Variants in FAM13C observed in about 807,000 individuals in gnomAD.
The protein encoded by FAM13C is protein FAM13C.
Under a neutral mutation model 73.2 loss-of-function variants are expected in FAM13C, and 37 were observed. The ratio of observed to expected loss-of-function variants is 0.51; its 90% CI spans 0.39 to 0.67. The LOEUF (loss-of-function observed/expected upper bound fraction) is 0.67. Among genes scored for constraint, FAM13C ranks in the 30% least tolerant of loss-of-function variants. FAM13C has a pLI of 0.00. For synonymous variants in FAM13C, 246 were observed against 260.9 expected, an observed-to-expected ratio of 0.94 and a Z score of 0.55; for missense variants, 589 against 715.6, an observed-to-expected ratio of 0.82 and a Z score of 2.02.
At chr10:59,275,192 C>T (rs1264112839) in intron 6 of FAM13C, among the ~76,000 whole-genome samples, 1 of 152,134 alleles carries the variant, frequency 6.6e-6, no homozygotes, top group Non-Finnish European at 1.5e-5. Flanking sequence ...TTCCAACCTT[C>T]GATGTGGGCG....
intron 4 of FAM13C, among the ~76,000 whole-genome samples, chr10:59,317,221 G>A (rs1009609494): frequency 1.3e-5 from 2 of 151,850 alleles, no homozygotes; most frequent in African/African-American, 2.4e-5. Context: ...AAATATGGGA[G>A]TAGCCACGAC....
At chr10:59,357,865 G>A (rs982305586) in intron 1 of FAM13C, among the ~76,000 whole-genome samples, 1 of 152,096 alleles carries the variant, frequency 6.6e-6, no homozygotes, top group Non-Finnish European at 1.5e-5. Context: ...GCAAATAAAT[G>A]CCTGCATACA....
At chr10:59,341,089 G>A (rs1057111733) in intron 3 of FAM13C, among the ~76,000 whole-genome samples, 1 of 151,968 alleles carries the variant, frequency 6.6e-6, no homozygotes, top group Admixed American at 6.6e-5. Flanking sequence ...ATTTTCTCCT[G>A]GTGATTTTTA....
At chr10:59,248,724 T>C (rs974356776) in intron 13 of FAM13C, among the ~76,000 whole-genome samples, 3 of 152,210 alleles carry the variant, frequency 2.0e-5, no homozygotes, top group African/African-American at 7.2e-5. Flanking sequence ...ATGTTTTATC[T>C]TTAGCTCCCT....
In FAM13C at chr10:59,283,367, A is replaced by G. The variant is rs767291134; in HGVS notation, c.588T>C (p.Ser196=). ...ACCCCCAGCCCTGTATCTTACCTGCAGAATCTGTCCCATCGGCAAGCACGC... is the reference window on the plus strand; with the variant it reads ...ACCCCCAGCCCTGTATCTTACCTGCGGAATCTGTCCCATCGGCAAGCACGC... The part of the protein sequence containing the change: ...TQSVLADGTD[S]ADPSPVHKDG... Residue 196 remains serine (S), a synonymous_variant, in exon 6 of 14, where the codon TCT becomes TCC. Transcript: ENST00000618804. The G allele has an allele frequency of 1.9e-6, 3 of 1,614,164 alleles. No homozygotes were observed. The highest frequency in any genetic ancestry group is 1.7e-6 in the Non-Finnish European group (2 of 1,180,008).
At chr10:59,361,968 A>G (rs1173546042) in intron 1 of FAM13C, among the ~76,000 whole-genome samples, 2 of 152,218 alleles carry the variant, frequency 1.3e-5, no homozygotes, top group Non-Finnish European at 1.5e-5. Context: ...GAGGGCCAAG[A>G]TAAGTTTAGC....
intron 5 of FAM13C, among the ~76,000 whole-genome samples, chr10:59,287,692 G>A (rs991662826): frequency 1.3e-5 from 2 of 152,190 alleles, no homozygotes; most frequent in Admixed American, 6.5e-5. Flanking sequence ...AACAACAATG[G>A]TACTTGCTCT....
chr10:59,263,134 T>A (rs1050577580), intron 9 of FAM13C, among the ~76,000 whole-genome samples: 5 of 152,174 alleles, frequency 3.3e-5, no homozygotes, highest in Non-Finnish European at 7.4e-5. Flanking sequence ...AGCCTCAACA[T>A]GACAGATTTT....
chr10:59,328,604 G>A (rs1851502490), intron 3 of FAM13C, among the ~76,000 whole-genome samples: 1 of 152,172 alleles, frequency 6.6e-6, no homozygotes, highest in East Asian at 1.9e-4. Flanking sequence ...CCTCAAGGAT[G>A]TACACATCCT....
intron 5 of FAM13C, among the ~76,000 whole-genome samples, chr10:59,302,342 C>T (rs1217055158): frequency 1.3e-5 from 2 of 152,126 alleles, no homozygotes; most frequent in African/African-American, 2.4e-5. Flanking sequence ...TACGGCTTCA[C>T]GTCTTGAAGT....
At chr10:59,265,335 G>GAGGGA (rs1554811452) in intron 8 of FAM13C, among the ~76,000 whole-genome samples, 3 of 16,056 alleles carry the variant, frequency 1.9e-4, no homozygotes, top group African/African-American at 8.6e-4. Flanking sequence ...GGGGGGGGGG[G>GAGGGA]AATCCTGGTT....
At chr10:59,345,914 T>A (rs1424132444) in intron 3 of FAM13C, among the ~76,000 whole-genome samples, 1 of 152,210 alleles carries the variant, frequency 6.6e-6, no homozygotes. Context: ...AACAATTGTC[T>A]AACTAAGACC....
intron 3 of FAM13C, among the ~76,000 whole-genome samples, chr10:59,326,840 C>A (rs1262922177): frequency 1.3e-5 from 2 of 152,102 alleles, no homozygotes; most frequent in Non-Finnish European, 2.9e-5. Flanking sequence ...GAGTTCCTGA[C>A]CCTCAGAAAC....
At chr10:59,319,561 T>C (rs1849951840) in intron 4 of FAM13C, among the ~76,000 whole-genome samples, 1 of 152,204 alleles carries the variant, frequency 6.6e-6, no homozygotes, top group South Asian at 2.1e-4. Flanking sequence ...TAAATTTCCC[T>C]TTGTCATATC....
At chr10:59,324,730 T>C (rs1850856658) in intron 3 of FAM13C, among the ~76,000 whole-genome samples, 1 of 151,520 alleles carries the variant, frequency 6.6e-6, no homozygotes, top group Non-Finnish European at 1.5e-5. Context: ...ATCTCAAGAG[T>C]CCTTGATATC....
At chr10:59,342,142 T>C (rs770956552) in intron 3 of FAM13C, among the ~76,000 whole-genome samples, 2 of 152,156 alleles carry the variant, frequency 1.3e-5, no homozygotes, top group African/African-American at 2.4e-5. Flanking sequence ...CAGTATCCTA[T>C]GGGAAGGTGG....
intron 1 of FAM13C, chr10:59,360,961 C>A (rs1811606768): frequency 2.4e-6 from 3 of 1,234,142 alleles, no homozygotes; most frequent in Non-Finnish European, 3.2e-6. Flanking sequence ...CCACACCAGG[C>A]TCCTGAGAAT....
At chr10:59,284,999 A>G (rs1239658459) in intron 5 of FAM13C, among the ~76,000 whole-genome samples, 33 of 151,990 alleles carry the variant, frequency 2.2e-4, no homozygotes. Flanking sequence ...CACACACACC[A>G]CTTGATCCAT....
At chr10:59,279,417 C>T (rs892097791) in intron 6 of FAM13C, among the ~76,000 whole-genome samples, 2 of 152,142 alleles carry the variant, frequency 1.3e-5, no homozygotes, top group Non-Finnish European at 2.9e-5. Flanking sequence ...AATAGACATA[C>T]TACATTAGTG....
Sources: allele counts gnomAD v4.1 joint callset (sites outside exome capture counted in the v4.1 genomes callset), GRCh38; gene constraint gnomAD v4.1.1; transcripts MANE v1.5; gene names NCBI Gene and HGNC (gene_info 2026-07-23, HGNC 2026-07-21).